The following KLHL2 variants were observed in gnomAD, a reference collection of about 807,000 sequenced individuals.
KLHL2 encodes kelch like family member 2.
In KLHL2, 15 loss-of-function variants were observed where a neutral mutation model predicts 75.8. That is an observed-to-expected ratio of 0.20 (90% CI 0.13 to 0.30). The LOEUF (loss-of-function observed/expected upper bound fraction) is 0.30. KLHL2 is among the 10% of genes least tolerant of loss of function. The probability of loss-of-function intolerance (pLI) is 1.00; values close to 1 mark genes in which losing one functional copy is unlikely to be tolerated. For missense variants in KLHL2, 381 were observed against 741.0 expected (o/e 0.51, Z 5.64); for synonymous variants, 214 against 251.9 (o/e 0.85, Z 1.42).
intron 3 of KLHL2, among the ~76,000 whole-genome samples, chr4:165,231,726 T>C (rs199696796): frequency 2.5e-4 from 38 of 149,414 alleles, no homozygotes; most frequent in East Asian, 5.9e-4. Flanking sequence ...AATATTCATG[T>C]GCAGTTCTTT....
chr4:165,308,767 T>C lies in KLHL2; in HGVS notation c.1040-1786T>C, dbSNP rs562282677. ...AATGAACATTCCCTGGAGTTAGTTA[T>C]GATTTTGGGATACAGGATTGTTTCA... On this transcript the variant is annotated intron_variant, in intron 9 of 14. Coordinates refer to ENST00000226725, the MANE Select transcript of KLHL2 (RefSeq NM_007246.4). 1.7e-4 allele frequency among the ~76,000 whole-genome samples: 26 copies of C among 152,348 alleles called. No individual in the cohort carries two copies. The South Asian group carries it at 5.2e-3, about 30-fold the overall frequency.
intron 7 of KLHL2, among the ~76,000 whole-genome samples, chr4:165,298,643 A>G (rs942802559): frequency 6.6e-6 from 1 of 152,130 alleles, no homozygotes; most frequent in Non-Finnish European, 1.5e-5. Context: ...TGGTATTAAG[A>G]AGATGATCCA....
chr4:165,211,085 A>G lies in KLHL2; in HGVS notation c.26+3183A>G, dbSNP rs141935475. 7.0e-3 allele frequency among the ~76,000 whole-genome samples: 1,062 copies of G among 152,304 alleles called. 14 individuals carry two copies. Among genetic ancestry groups the G allele is most frequent in the African/African-American group, 0.024 (1,006 of 41,566 alleles). On this transcript the variant is annotated intron_variant, in intron 1 of 14. Transcript: ENST00000226725. ...TAGGCAGAAAAACAACTTGTTGACC[A>G]TGTTCTAAGGCATTTAGGCAGCAGA...
chr4:165,300,334 G>A (rs1159851442), intron 8 of KLHL2, among the ~76,000 whole-genome samples: 1 of 151,936 alleles, frequency 6.6e-6, no homozygotes, highest in Admixed American at 6.6e-5. Context: ...TGTAAGCTAG[G>A]TGTTTGTTTA....
intron 2 of KLHL2, among the ~76,000 whole-genome samples, chr4:165,225,371 G>A (rs1220561021): frequency 6.6e-6 from 1 of 152,046 alleles, no homozygotes; most frequent in Non-Finnish European, 1.5e-5. Flanking sequence ...ACTTCATACT[G>A]TCATGGCTGT....
chr4:165,290,616 C>A (rs1184835486), intron 5 of KLHL2, among the ~76,000 whole-genome samples: 1 of 152,010 alleles, frequency 6.6e-6, no homozygotes, highest in Non-Finnish European at 1.5e-5. Flanking sequence ...CAGGAATTAG[C>A]GGGATTATAT....
rs1220839507 is a variant in KLHL2 at position 165,282,593 on chromosome 4, T to C, written c.545-11766T>C. On this transcript the variant is annotated intron_variant, in intron 5 of 14. Transcript: ENST00000226725. ...CCTGAATTTATAGTCAGGGTGATGA[T>C]GAAGACCCCAAATCATGTTGTGCAA... Among the ~76,000 whole-genome samples, 2 of 152,234 alleles carry C rather than the reference T, an allele frequency of 1.3e-5. 1 individual carries two copies. Among genetic ancestry groups the C allele is most frequent in the South Asian group, 4.1e-4 (2 of 4,828 alleles).
chr4:165,280,574 A>C (rs1392906809), intron 5 of KLHL2, among the ~76,000 whole-genome samples: 1 of 152,250 alleles, frequency 6.6e-6, no homozygotes, highest in Non-Finnish European at 1.5e-5. Context: ...TCAAGGGTCT[A>C]TTGCAGTGTT....
intron 11 of KLHL2, among the ~76,000 whole-genome samples, chr4:165,312,107 TC>T (rs1746249641): frequency 6.6e-6 from 1 of 152,124 alleles, no homozygotes; most frequent in Non-Finnish European, 1.5e-5. Flanking sequence ...TCTGTGAGAA[TC>T]TAATGCCGCT....
chr4:165,283,944 C>CT (rs1743889104), intron 5 of KLHL2, among the ~76,000 whole-genome samples: 1 of 152,234 alleles, frequency 6.6e-6, no homozygotes, highest in African/African-American at 2.4e-5. Flanking sequence ...AGGCTTGAGG[C>CT]TTGCACCCTT....
intron 9 of KLHL2, among the ~76,000 whole-genome samples, 161 bp downstream of exon 9, chr4:165,305,886 A>T (rs1372734904): frequency 6.6e-6 from 1 of 152,182 alleles, no homozygotes; most frequent in Non-Finnish European, 1.5e-5. Context: ...GCCTCTCAAG[A>T]CATTGATGGG....
intron 8 of KLHL2, among the ~76,000 whole-genome samples, chr4:165,305,086 C>G (rs1307428480): frequency 6.6e-6 from 1 of 152,170 alleles, no homozygotes; most frequent in Non-Finnish European, 1.5e-5. Flanking sequence ...ATTCGGGAAT[C>G]TGTACTCTTG....
At chr4:165,234,906 G>A (rs1739209204) in intron 3 of KLHL2, among the ~76,000 whole-genome samples, 1 of 152,134 alleles carries the variant, frequency 6.6e-6, no homozygotes, top group Admixed American at 6.5e-5. Flanking sequence ...GGCCAAGGCG[G>A]AAGAATCATT....
intron 9 of KLHL2, 104 bp downstream of exon 9, chr4:165,305,829 T>A: frequency 2.5e-6 from 2 of 804,924 alleles, no homozygotes; most frequent in Non-Finnish European, 4.2e-6. Flanking sequence ...AAAAAAGCTT[T>A]GAGTAAAATA....
Position 165,322,603 on chromosome 4 carries a change from C to T in KLHL2, c.*543C>T, listed in dbSNP as rs1747064131. On this transcript the variant is annotated 3_prime_UTR_variant, in exon 15 of 15. Transcript: ENST00000226725. ...TATAAATGTGTGTCTATATGCTTTC[C>T]TTTAAATATGTTTGAAAAGATGTTT... The T allele has an allele frequency of 6.6e-6, 1 of 152,596 alleles. No homozygotes were observed. The highest frequency in any genetic ancestry group is 1.5e-5 in the Non-Finnish European group (1 of 68,108). The allele number at this position is 152,596 out of a possible 1,614,324, so 9.5% of individuals were successfully genotyped here. A position where few individuals can be genotyped will look rare whatever the true frequency, so the allele number is the denominator to read the frequency against.
chr4:165,208,238 C>T (rs993195043), intron 1 of KLHL2, among the ~76,000 whole-genome samples: 2 of 152,094 alleles, frequency 1.3e-5, no homozygotes, highest in Admixed American at 6.5e-5. Context: ...GCCGAGTTTG[C>T]CTACCCCTTT....
At chr4:165,309,475 A>G (rs1426180628) in intron 9 of KLHL2, among the ~76,000 whole-genome samples, 1 of 152,216 alleles carries the variant, frequency 6.6e-6, no homozygotes, top group Admixed American at 6.5e-5. Flanking sequence ...ATATCTCTTT[A>G]GCCCAAGGAT....
chr4:165,291,162 C>T (rs1226742563), intron 5 of KLHL2, among the ~76,000 whole-genome samples: 1 of 151,976 alleles, frequency 6.6e-6, no homozygotes, highest in Non-Finnish European at 1.5e-5. Flanking sequence ...ATCTTTTTGC[C>T]CATTGTTTAG....
At chr4:165,266,773 T>G (rs1465773039) in intron 5 of KLHL2, among the ~76,000 whole-genome samples, 2 of 152,236 alleles carry the variant, frequency 1.3e-5, no homozygotes, top group African/African-American at 2.4e-5. Context: ...AGCTTTGTTC[T>G]TTTTGCTTAA....
Sources: gnomAD v4.1 joint callset for allele counts (sites outside exome capture counted in the v4.1 genomes callset) on GRCh38, gnomAD v4.1.1 for gene constraint, MANE v1.5 for transcripts, NCBI Gene and HGNC (gene_info 2026-07-23, HGNC 2026-07-21) for gene names.